The following MARCHF1 variants were observed in gnomAD, a reference collection of about 807,000 sequenced individuals.
The protein encoded by MARCHF1 is E3 ubiquitin-protein ligase MARCHF1.
In MARCHF1, 40 loss-of-function variants were observed where a neutral mutation model predicts 54.2. The observed-to-expected ratio is 0.74, with a 90% confidence interval of 0.57 to 0.96. The LOEUF (loss-of-function observed/expected upper bound fraction) is 0.96. MARCHF1 is among the 40% of genes least tolerant of loss of function. MARCHF1 has a pLI of 0.00. For synonymous variants in MARCHF1, 236 were observed against 236.3 expected, an observed-to-expected ratio of 1.00 and a Z score of 0.01; for missense variants, 586 against 656.5, an observed-to-expected ratio of 0.89 and a Z score of 1.17.
chr4:163,901,393 C>T (rs1225605799), intron 3 of MARCHF1, among the ~76,000 whole-genome samples: 1 of 152,104 alleles, frequency 6.6e-6, no homozygotes, highest in Non-Finnish European at 1.5e-5. Context: ...TTTCATTCAG[C>T]CTATTTTATG....
In MARCHF1 at chr4:163,612,273, G is replaced by A. The variant is rs1741367739; in HGVS notation, c.1008C>T (p.Cys336=). The A allele has an allele frequency of 2.0e-6, 3 of 1,496,134 alleles. No individual in the cohort carries two copies. Among genetic ancestry groups the A allele is most frequent in the Non-Finnish European group, 2.6e-6 (3 of 1,132,080 alleles). The allele number at this position is 1,496,134 out of a possible 1,614,324, so 92.7% of individuals were successfully genotyped here. A position where few individuals can be genotyped will look rare whatever the true frequency, so the allele number is the denominator to read the frequency against. ...AGCCTTTCTCTACAGTGACTGACCT[G>A]CATACTTCTAAATTATCAGACCCAT... ...YDDGSDNLEV[C]RICHCEGDEE... The change falls in exon 7 of 10, where the codon TGC becomes TGT. Residue 336 remains cysteine, a splice_region_variant and synonymous_variant. Coordinates refer to ENST00000514618, the MANE Select transcript of MARCHF1 (RefSeq NM_001394959.1).
intron 4 of MARCHF1, among the ~76,000 whole-genome samples, chr4:163,849,595 C>T (rs1749588593): frequency 6.6e-6 from 1 of 152,102 alleles, no homozygotes; most frequent in African/African-American, 2.4e-5. Context: ...CCTACAGATC[C>T]ATTAGTCTAT....
chr4:163,651,559 T>C (rs1387267584), intron 5 of MARCHF1, among the ~76,000 whole-genome samples: 2 of 150,930 alleles, frequency 1.3e-5, no homozygotes, highest in African/African-American at 2.4e-5. Flanking sequence ...CAATAGACTT[T>C]CTTATTCTTT....
At chr4:164,147,627 A>G (rs1430088532) in intron 1 of MARCHF1, among the ~76,000 whole-genome samples, 1 of 142,906 alleles carries the variant, frequency 7.0e-6, no homozygotes, top group Non-Finnish European at 1.5e-5. Context: ...AACAATGAGA[A>G]CACATGGACA....
intron 7 of MARCHF1, among the ~76,000 whole-genome samples, chr4:163,593,571 C>T (rs1011304229): frequency 1.3e-5 from 2 of 151,924 alleles, no homozygotes; most frequent in African/African-American, 4.8e-5. Flanking sequence ...ATTTTCTGAT[C>T]TTTTTTTTGT....
intron 1 of MARCHF1, among the ~76,000 whole-genome samples, chr4:164,133,734 G>A (rs897864912): frequency 1.3e-5 from 2 of 152,182 alleles, no homozygotes; most frequent in Non-Finnish European, 2.9e-5. Flanking sequence ...TTTGGTATGT[G>A]TTAGCAGAGC....
chr4:163,567,427 C>T (rs1353087594), intron 8 of MARCHF1, among the ~76,000 whole-genome samples: 1 of 152,116 alleles, frequency 6.6e-6, no homozygotes, highest in Non-Finnish European at 1.5e-5. Context: ...TTTCGTGCCC[C>T]ACCTTATGCC....
chr4:164,169,022 A>G (rs1730457081), intron 1 of MARCHF1, among the ~76,000 whole-genome samples: 1 of 152,078 alleles, frequency 6.6e-6, no homozygotes, highest in Admixed American at 6.6e-5. Context: ...TCTAATGTAC[A>G]AAATGAAGAT....
intron 1 of MARCHF1, among the ~76,000 whole-genome samples, chr4:164,213,512 G>A (rs868545579): frequency 3.5e-4 from 53 of 151,966 alleles, no homozygotes; most frequent in Middle Eastern, 6.8e-3. Flanking sequence ...TGGGATTACA[G>A]GCGTGAGCCA....
In MARCHF1 at chr4:163,804,811, G is replaced by A. The variant is rs558700494; in HGVS notation, c.111+49210C>T. Among the ~76,000 whole-genome samples the A allele has an allele frequency of 5.9e-5, 9 of 152,120 alleles. No homozygotes were observed. The South Asian group carries it at 1.9e-3, about 32-fold the overall frequency. ...CACTTGCACCTCACCATTTTTCACG[G>A]CATTCCCTTTTAGACATCTCTCTCA... is the stretch of plus-strand genomic sequence containing the variant. On this transcript the variant is annotated intron_variant, in intron 4 of 9. Transcript: ENST00000514618.
chr4:164,275,866 G>GA (rs1426459003), intron 1 of MARCHF1, among the ~76,000 whole-genome samples: 4 of 152,130 alleles, frequency 2.6e-5, no homozygotes, highest in African/African-American at 9.7e-5. Flanking sequence ...GTGATTATTG[G>GA]AGTGACATTG....
intron 2 of MARCHF1, among the ~76,000 whole-genome samples, chr4:164,021,065 A>G (rs1753651434): frequency 7.1e-6 from 1 of 141,014 alleles, no homozygotes; most frequent in South Asian, 2.3e-4. Context: ...ATTCCCTCCA[A>G]TCCATTTCTG....
Position 163,789,745 on chromosome 4 carries a change from G to C in MARCHF1, c.111+64276C>G, listed in dbSNP as rs1417256048. Reference sequence around the variant, plus strand: ...CATCACTCACCATTGTTTAATATGTGGGAAAATATAGTACTTGGACTTCTT... The same window carrying C: ...CATCACTCACCATTGTTTAATATGTCGGAAAATATAGTACTTGGACTTCTT... On this transcript the variant is annotated intron_variant, in intron 4 of 9. Coordinates refer to ENST00000514618, the MANE Select transcript of MARCHF1 (RefSeq NM_001394959.1). Among the ~76,000 whole-genome samples, 3 of 151,894 alleles carry C rather than the reference G, an allele frequency of 2.0e-5. No homozygotes were observed. The East Asian group carries it at 5.8e-4, about 29-fold the overall frequency.
At chr4:163,943,632 A>C (rs1009051340) in intron 3 of MARCHF1, among the ~76,000 whole-genome samples, 6 of 151,912 alleles carry the variant, frequency 3.9e-5, no homozygotes, top group African/African-American at 1.2e-4. Flanking sequence ...AAAAATAACT[A>C]ATGGGTAACA....
At chr4:163,699,030 A>T (rs76399056) in intron 5 of MARCHF1, among the ~76,000 whole-genome samples, 4,520 of 152,286 alleles carry the variant, frequency 0.03, 78 homozygotes, top group East Asian at 0.077. Flanking sequence ...GGGAAGGTAA[A>T]GTGAACATCT....
At chr4:163,946,768 C>T (rs955622155) in intron 3 of MARCHF1, among the ~76,000 whole-genome samples, 1 of 152,190 alleles carries the variant, frequency 6.6e-6, no homozygotes, top group African/African-American at 2.4e-5. Flanking sequence ...GGCACAGTGG[C>T]ATCTCAATAG....
chr4:163,793,224 A>C (rs1426465388), intron 4 of MARCHF1, among the ~76,000 whole-genome samples: 1 of 152,218 alleles, frequency 6.6e-6, no homozygotes, highest in Non-Finnish European at 1.5e-5. Context: ...CAATGCAAAT[A>C]TCATCCTACT....
intron 4 of MARCHF1, among the ~76,000 whole-genome samples, chr4:163,748,926 G>A (rs1245126882): frequency 1.3e-5 from 2 of 152,232 alleles, no homozygotes; most frequent in Admixed American, 1.3e-4. Flanking sequence ...TCATCTCTTT[G>A]TAAGGAAATG....
chr4:164,119,370 GAAATACAAATAAT>G (rs1169925931), intron 1 of MARCHF1, among the ~76,000 whole-genome samples: 3 of 147,536 alleles, frequency 2.0e-5, no homozygotes, highest in African/African-American at 7.5e-5. Context: ...ATAATCAAAA[GAAATACAAATAAT>G]AAATACAAAT....
Sources: allele counts gnomAD v4.1 joint callset (sites outside exome capture counted in the v4.1 genomes callset), GRCh38; gene constraint gnomAD v4.1.1; transcripts MANE v1.5; gene names NCBI Gene and HGNC (gene_info 2026-07-23, HGNC 2026-07-21).